Variants in ZFAND2B observed in about 807,000 individuals in gnomAD.
ZFAND2B encodes AN1-type zinc finger protein 2B.
A neutral mutation model predicts 38.2 loss-of-function variants in ZFAND2B; 27 were observed. The ratio of observed to expected loss-of-function variants is 0.71; its 90% CI spans 0.52 to 0.97. The LOEUF is 0.97. ZFAND2B is among the 50% of genes least tolerant of loss of function. The probability of loss-of-function intolerance (pLI) is 0.00; values close to 1 mark genes in which losing one functional copy is unlikely to be tolerated. For synonymous variants in ZFAND2B, 111 were observed against 119.4 expected (o/e 0.93, Z 0.46); for missense variants, 303 against 331.5 (o/e 0.91, Z 0.67).
Position 219,207,332 on chromosome 2 carries a change from C to A in ZFAND2B, c.61C>A (p.Leu21Met), listed in dbSNP as rs748135489. 2.5e-6 allele frequency: 4 copies of A among 1,613,898 alleles called. No homozygotes were observed. The highest frequency in any genetic ancestry group is 3.4e-6 in the Non-Finnish European group (4 of 1,179,862). Reference protein sequence around the residue: ...SEPSCQRLDFLPLKCDACSGI... With the variant: ...SEPSCQRLDFMPLKCDACSGI... ...ATCCGACCAACTCTTTGCAGATTTTCTGCCGCTTAAGTGTGATGCCTGCTC... is the reference window on the plus strand; with the variant it reads ...ATCCGACCAACTCTTTGCAGATTTTATGCCGCTTAAGTGTGATGCCTGCTC... The change falls in exon 2 of 9, where the codon CTG becomes ATG. Residue 21 changes from leucine (L) to methionine (M), a missense_variant. By Grantham distance (15) the Leu-to-Met change is conservative. Transcript: ENST00000289528.
intron 2 of ZFAND2B, 105 bp from the exon 3 acceptor site, chr2:219,207,543 C>T: frequency 1.3e-6 from 2 of 1,590,832 alleles, no homozygotes; most frequent in Non-Finnish European, 1.7e-6. Context: ...CTGGGAAACA[C>T]TGTTTTTTTG....
Position 219,208,617 on chromosome 2 carries a change from GA to G in ZFAND2B, c.637del (p.Thr213ProfsTer14). On this transcript the variant is annotated frameshift_variant, in exon 7 of 9. Transcript: ENST00000289528. LOFTEE classifies it high-confidence loss of function. ...GCGGGCCCTGGAAATGTCCCTGGCA[GA>G]AACCAAACCCCAGGTTCCAAGGTAC... ...LQRALEMSLA[E>X]TKPQVPSCQE... 6.2e-7 allele frequency: 1 copy of G among 1,614,028 alleles called. No homozygotes were observed. The highest frequency in any genetic ancestry group is 8.5e-7 in the Non-Finnish European group (1 of 1,179,902).
chr2:219,208,575 G>A lies in ZFAND2B; in HGVS notation c.592G>A (p.Glu198Lys), dbSNP rs1402600295. 3.1e-6 allele frequency: 5 copies of A among 1,614,254 alleles called. No individual in the cohort carries two copies. Among genetic ancestry groups the A allele is most frequent in the Non-Finnish European group, 4.2e-6 (5 of 1,180,048 alleles). The change falls in exon 7 of 9, where the codon GAG becomes AAG. Residue 198 changes from glutamate (E) to lysine (K), a missense_variant. Physicochemically the swap from Glu to Lys is moderately conservative, Grantham distance 56. Transcript: ENST00000289528. ...PVIALQNGLS[E>K]DEALQRALEM... ...GGTCTTCTTTCTCCCTTTGTAGAGT[G>A]AGGATGAAGCTCTGCAGCGGGCCCT...
chr2:219,208,547 G>C (rs201722407), intron 6 of ZFAND2B, 25 bp from the exon 7 acceptor site: 1 of 1,614,206 alleles, frequency 6.2e-7, no homozygotes, highest in East Asian at 2.2e-5. Context: ...GTCCAAGGAC[G>C]CTGGTCTTCT....
intron 1 of ZFAND2B, 140 bp from the exon 2 acceptor site, chr2:219,207,187 G>A: frequency 1.5e-6 from 2 of 1,363,220 alleles, no homozygotes; most frequent in Admixed American, 1.9e-5. Flanking sequence ...CAGAGGGGGC[G>A]TGGCCAAGGA....
Position 219,209,253 on chromosome 2 carries a change from T to C in ZFAND2B, c.730-9T>C, listed in dbSNP as rs766158214. On this transcript the variant is annotated splice_polypyrimidine_tract_variant and intron_variant, in intron 8 of 8. Transcript: ENST00000289528. ...GTGTCTTCCCCTCCTTCCCCTCTCT[T>C]TGCTCTAGGCCCAGAGCCGCAGCTC... is the stretch of plus-strand genomic sequence containing the variant. The C allele has an allele frequency of 1.2e-5, 19 of 1,604,986 alleles. No individual in the cohort carries two copies. Among genetic ancestry groups the C allele is most frequent in the Non-Finnish European group, 1.4e-5 (17 of 1,175,786 alleles).
rs147914283 is a variant in ZFAND2B at position 219,209,151 on chromosome 2, G to A, written c.729+102G>A. ...GCAGAGTTTTGGAATGGTGGTTATC[G>A]TCTGGTTTTCAGTATGACTCCAGCC... On this transcript the variant is annotated intron_variant, in intron 8 of 8. Coordinates refer to ENST00000289528, the MANE Select transcript of ZFAND2B (RefSeq NM_138802.3). 3.0e-4 allele frequency: 481 copies of A among 1,578,084 alleles called. 1 individual carries two copies. In the African/African-American group the frequency reaches 5.2e-3, roughly 17 times the overall value.
At chr2:219,209,162 A>T (rs1559232881) in intron 8 of ZFAND2B, 100 bp from the exon 9 acceptor site, 1 of 1,575,498 alleles carries the variant, frequency 6.3e-7, no homozygotes, top group African/African-American at 1.3e-5. Context: ...TCTGGTTTTC[A>T]GTATGACTCC....
At chr2:219,208,373 C>T in intron 5 of ZFAND2B, 25 bp downstream of exon 5, 1 of 1,614,154 alleles carries the variant, frequency 6.2e-7, no homozygotes, top group Non-Finnish European at 8.5e-7. Context: ...TTCCCTGCTC[C>T]CCCTTTTTCC....
chr2:219,208,372 C>T (rs766827648), intron 5 of ZFAND2B, 24 bp downstream of exon 5: 3 of 1,614,046 alleles, frequency 1.9e-6, no homozygotes, highest in Admixed American at 3.3e-5. Context: ...TTTCCCTGCT[C>T]CCCCTTTTTC....
In ZFAND2B at chr2:219,206,918, A is replaced by T; in HGVS notation, c.-70A>T. ...GCCAGAGTGCGGGGTCGCGGTGCGG[A>T]CTTCGAGCACGAGCCCTAAAGACGC... On this transcript the variant is annotated 5_prime_UTR_variant, in exon 1 of 9. Transcript: ENST00000289528. 6.5e-7 allele frequency: 1 copy of T among 1,540,464 alleles called. No homozygotes were observed. The highest frequency in any genetic ancestry group is 8.9e-7 in the Non-Finnish European group (1 of 1,129,628).
intron 1 of ZFAND2B, 36 bp downstream of exon 1, chr2:219,207,078 G>A: frequency 1.0e-5 from 16 of 1,573,606 alleles, no homozygotes; most frequent in Non-Finnish European, 1.4e-5. Flanking sequence ...GGGGCCCAGC[G>A]GACAGGGACT....
chr2:219,209,285 G>A lies in ZFAND2B; in HGVS notation c.753G>A (p.Pro251=), dbSNP rs562401510. 16 of 1,610,864 alleles carry A rather than the reference G, an allele frequency of 9.9e-6. No individual in the cohort carries two copies. Among genetic ancestry groups the A allele is most frequent in the South Asian group, 8.9e-5 (8 of 90,318 alleles). Residue 251 remains proline, a synonymous_variant, in exon 9 of 9, where the codon CCG becomes CCA. Coordinates refer to ENST00000289528, the MANE Select transcript of ZFAND2B (RefSeq NM_138802.3). Reference sequence around the variant, plus strand: ...AGGCCCAGAGCCGCAGCTCGAAGCCGTCCAACTGCAGCCTGTGCTAGGGCC... The same window carrying A: ...AGGCCCAGAGCCGCAGCTCGAAGCCATCCAACTGCAGCCTGTGCTAGGGCC... ...RQQAQSRSSK[P]SNCSLC
chr2:219,207,134 T>C (rs1322320203), intron 1 of ZFAND2B, 92 bp downstream of exon 1: 2 of 753,980 alleles, frequency 2.7e-6, no homozygotes. Context: ...AGGCTGGCAA[T>C]GCCGGGGGGC....
At chr2:219,208,830 C>G (rs1325922916) in intron 7 of ZFAND2B, 147 bp from the exon 8 acceptor site, 5 of 1,043,470 alleles carry the variant, frequency 4.8e-6, no homozygotes, top group African/African-American at 4.8e-5. Flanking sequence ...AAAACGGGGA[C>G]AATACTAATA....
chr2:219,209,474 C>T lies in ZFAND2B; in HGVS notation c.*168C>T, dbSNP rs776346808. The T allele has an allele frequency of 3.7e-6, 3 of 820,450 alleles. No individual in the cohort carries two copies. The highest frequency in any genetic ancestry group is 1.5e-5 in the South Asian group (1 of 68,938). The allele number at this position is 820,450 out of a possible 1,614,324, so 50.8% of individuals were successfully genotyped here. ...GAAGGCCTTGCTAGTGCTCCAGCTGCATGGAAGAGAGCGGCTAGCAACTGT... is the reference window on the plus strand; with the variant it reads ...GAAGGCCTTGCTAGTGCTCCAGCTGTATGGAAGAGAGCGGCTAGCAACTGT... On this transcript the variant is annotated 3_prime_UTR_variant, in exon 9 of 9. Transcript: ENST00000289528.
At chr2:219,207,100 G>T (rs957482160) in intron 1 of ZFAND2B, 58 bp downstream of exon 1, 12 of 1,437,676 alleles carry the variant, frequency 8.3e-6, no homozygotes, top group South Asian at 3.7e-5. Flanking sequence ...TGAACCGCAG[G>T]TTGGGAGGGA....
chr2:219,209,489 C>A lies in ZFAND2B; in HGVS notation c.*183C>A. On this transcript the variant is annotated 3_prime_UTR_variant, in exon 9 of 9. Coordinates refer to ENST00000289528, the MANE Select transcript of ZFAND2B (RefSeq NM_138802.3). ...GCTCCAGCTGCATGGAAGAGAGCGG[C>A]TAGCAACTGTTCCCTGGTTGGGCCC... 1.3e-6 allele frequency: 1 copy of A among 772,428 alleles called. No individual in the cohort carries two copies. The highest frequency in any genetic ancestry group is 2.3e-6 in the Non-Finnish European group (1 of 438,006). 47.8% of individuals were successfully genotyped at this position (772,428 alleles called of 1,614,324 possible). A position where few individuals can be genotyped will look rare whatever the true frequency, so the allele number is the denominator to read the frequency against.
rs1248333373 is a variant in ZFAND2B, at chr2:219,208,034, G to GC, written c.431dup (p.Gly145ArgfsTer54). On this transcript the variant is annotated frameshift_variant, in exon 4 of 9. Transcript: ENST00000289528. LOFTEE classifies it high-confidence loss of function. ...TGGGGAGGGGCACCCAACCAGCCGG[G>GC]CAGGGTAATGGCAGCCAAGTCCTCC... is the stretch of plus-strand genomic sequence containing the variant. The GC allele has an allele frequency of 1.9e-6, 3 of 1,613,870 alleles. No individual in the cohort carries two copies. The highest frequency in any genetic ancestry group is 1.3e-5 in the African/African-American group (1 of 74,940).
Sources: allele counts gnomAD v4.1 joint callset, GRCh38; gene constraint gnomAD v4.1.1; transcripts MANE v1.5; gene names NCBI Gene and HGNC (gene_info 2026-07-23, HGNC 2026-07-21).